UBE2B: variants seen among roughly 807,000 people sequenced by gnomAD.
UBE2B encodes the protein ubiquitin conjugating enzyme E2 B.
In UBE2B, 11 loss-of-function variants were observed where a neutral mutation model predicts 24.6. The observed-to-expected ratio is 0.45, with a 90% CI of 0.28 to 0.74. The LOEUF (loss-of-function observed/expected upper bound fraction) is 0.74. UBE2B is among the 30% of genes least tolerant of loss of function. The pLI is 0.13. For synonymous variants in UBE2B, 68 were observed against 62.4 expected (o/e 1.09, Z -0.42); for missense variants, 78 against 185.6 (o/e 0.42, Z 3.37).
intron 4 of UBE2B, among the ~76,000 whole-genome samples, chr5:134,386,139 C>T (rs1758797133): frequency 6.6e-6 from 1 of 151,770 alleles, no homozygotes; most frequent in Middle Eastern, 3.4e-3. Flanking sequence ...CTAGCCTGGC[C>T]AACATGGTAA....
intron 1 of UBE2B, among the ~76,000 whole-genome samples, chr5:134,373,178 GA>G (rs1758522004): frequency 6.6e-6 from 1 of 152,204 alleles, no homozygotes; most frequent in African/African-American, 2.4e-5. Flanking sequence ...GGGACTGGCA[GA>G]AAACCTACTA....
chr5:134,373,937 A>G (rs906502644), intron 1 of UBE2B, among the ~76,000 whole-genome samples: 4 of 152,320 alleles, frequency 2.6e-5, no homozygotes, highest in Admixed American at 1.3e-4. Flanking sequence ...TAGTGCCGCA[A>G]TAAACATACG....
intron 2 of UBE2B, among the ~76,000 whole-genome samples, chr5:134,375,821 A>G (rs1034705930): frequency 1.3e-5 from 2 of 150,618 alleles, no homozygotes; most frequent in Non-Finnish European, 3.0e-5. Context: ...AAAAAAAAAA[A>G]AAAAACTTTA....
Position 134,374,365 on chromosome 5 carries a change from A to G in UBE2B, c.45-18A>G. 2.6e-6 allele frequency: 4 copies of G among 1,551,990 alleles called. No homozygotes were observed. Among genetic ancestry groups the G allele is most frequent in the Non-Finnish European group, 3.5e-6 (4 of 1,147,068 alleles). ...GCCTTAATGTTCAACTTTTTAAATTACCACGCTGGATTTCCAGGTTACAAG... is the reference window on the plus strand; with the variant it reads ...GCCTTAATGTTCAACTTTTTAAATTGCCACGCTGGATTTCCAGGTTACAAG... On this transcript the variant is annotated intron_variant, in intron 1 of 5. Transcript: ENST00000265339.
At chr5:134,384,177 A>C (rs1178793287) in intron 4 of UBE2B, among the ~76,000 whole-genome samples, 1 of 152,202 alleles carries the variant, frequency 6.6e-6, no homozygotes, top group East Asian at 1.9e-4. Context: ...TTCAGGAAGA[A>C]CATTTTCAGA....
intron 1 of UBE2B, among the ~76,000 whole-genome samples, 187 bp from the exon 2 acceptor site, chr5:134,374,195 GA>G (rs1303697473): frequency 2.6e-5 from 4 of 152,160 alleles, no homozygotes; most frequent in African/African-American, 9.7e-5. Flanking sequence ...ATAATTTGGA[GA>G]GGTATTTAAT....
intron 3 of UBE2B, among the ~76,000 whole-genome samples, chr5:134,378,787 G>A (rs896836785): frequency 5.3e-5 from 8 of 151,990 alleles, no homozygotes; most frequent in Non-Finnish European, 7.4e-5. Context: ...TAATAAGCTC[G>A]GTGTGGTGGC....
At chr5:134,382,243 A>G (rs544931992) in intron 4 of UBE2B, among the ~76,000 whole-genome samples, 3 of 152,188 alleles carry the variant, frequency 2.0e-5, no homozygotes, top group African/African-American at 7.2e-5. Flanking sequence ...GCTTGAGACC[A>G]GGAGTCAGAG....
intron 4 of UBE2B, 56 bp from the exon 5 acceptor site, chr5:134,388,269 C>A (rs908813091): frequency 1.4e-6 from 2 of 1,436,762 alleles, no homozygotes; most frequent in African/African-American, 1.4e-5. Context: ...GTAAAGATTT[C>A]TCTTAACTGT....
In UBE2B at chr5:134,390,464, A is replaced by T; in HGVS notation, c.*111A>T. On this transcript the variant is annotated 3_prime_UTR_variant, in exon 6 of 6. Transcript: ENST00000265339. This position sits in a 1 kb window ranked among gnomAD's most constrained non-coding sequence, Gnocchi z 4.6. ...AGGTTTTAAGGATTCTGCAGAAAAAAAAGAAAAAAGTCCTTCAGTTTAGAA... is the reference window on the plus strand; with the variant it reads ...AGGTTTTAAGGATTCTGCAGAAAAATAAGAAAAAAGTCCTTCAGTTTAGAA... 1 of 1,366,364 alleles carries T rather than the reference A, an allele frequency of 7.3e-7. No individual in the cohort carries two copies. The highest frequency in any genetic ancestry group is 1.0e-6 in the Non-Finnish European group (1 of 988,416). 84.6% of individuals were successfully genotyped at this position (1,366,364 alleles called of 1,614,324 possible).
chr5:134,380,873 C>T lies in UBE2B; in HGVS notation c.241+65C>T. 3 of 1,095,672 alleles carry T rather than the reference C, an allele frequency of 2.7e-6. No homozygotes were observed. In the South Asian group the frequency reaches 3.9e-5, roughly 14 times the overall value. 67.9% of individuals were successfully genotyped at this position (1,095,672 alleles called of 1,614,324 possible). A position where few individuals can be genotyped will look rare whatever the true frequency, so the allele number is the denominator to read the frequency against. The stretch of plus-strand genomic sequence containing the variant: ...AAAAGAGTTGTTTCCCTCCTTTTAG[C>T]TCTTTCACCTTACTTTTTACTGTTA... On this transcript the variant is annotated intron_variant, in intron 4 of 5. Coordinates refer to ENST00000265339, the MANE Select transcript of UBE2B (RefSeq NM_003337.4).
intron 5 of UBE2B, among the ~76,000 whole-genome samples, chr5:134,388,791 C>G (rs1386095136): frequency 6.6e-6 from 1 of 152,050 alleles, no homozygotes; most frequent in East Asian, 1.9e-4. Context: ...TTTGTCGAAG[C>G]AGTCTGGCAG....
At chr5:134,374,252 T>C in intron 1 of UBE2B, 131 bp from the exon 2 acceptor site, 1 of 805,064 alleles carries the variant, frequency 1.2e-6, no homozygotes, top group Non-Finnish European at 2.1e-6. Flanking sequence ...TGGTTCATTT[T>C]AGTTCACAAT....
In UBE2B at chr5:134,391,321, T is replaced by G. The variant is rs900900423; in HGVS notation, c.*968T>G. On this transcript the variant is annotated 3_prime_UTR_variant, in exon 6 of 6. Transcript: ENST00000265339. Reference sequence around the variant, plus strand: ...CTTTAATGCAATGCATATCTGTTTATTCTGGGAAATGTTTTAATGCCAGGG... The same window carrying G: ...CTTTAATGCAATGCATATCTGTTTAGTCTGGGAAATGTTTTAATGCCAGGG... 6.6e-6 allele frequency: 1 copy of G among 152,526 alleles called. No homozygotes were observed. Among genetic ancestry groups the G allele is most frequent in the African/African-American group, 2.4e-5 (1 of 41,458 alleles). The allele number at this position is 152,526 out of a possible 1,614,324, so 9.4% of individuals were successfully genotyped here. A position where few individuals can be genotyped will look rare whatever the true frequency, so the allele number is the denominator to read the frequency against.
chr5:134,387,061 G>C (rs192301804), intron 4 of UBE2B, among the ~76,000 whole-genome samples: 38 of 151,714 alleles, frequency 2.5e-4, no homozygotes, highest in African/African-American at 8.7e-4. Flanking sequence ...CTGGGTTCAA[G>C]CAATTCTTCT....
chr5:134,373,561 T>C (rs149045825), intron 1 of UBE2B, among the ~76,000 whole-genome samples: 141 of 152,318 alleles, frequency 9.3e-4, no homozygotes, highest in African/African-American at 3.2e-3. Context: ...TATACACATG[T>C]GCCATGTTGG....
Position 134,390,299 on chromosome 5 carries a change from A to C in UBE2B, c.405A>C (p.Arg135=). 1 of 1,614,166 alleles carries C rather than the reference A, an allele frequency of 6.2e-7. No individual in the cohort carries two copies. Among genetic ancestry groups the C allele is most frequent in the Non-Finnish European group, 8.5e-7 (1 of 1,180,016 alleles). Reference sequence around the variant, plus strand: ...CACAGCTTTATCAGGAAAACAAACGAGAATATGAGAAAAGAGTTTCGGCCA... The same window carrying C: ...CACAGCTTTATCAGGAAAACAAACGCGAATATGAGAAAAGAGTTTCGGCCA... ...QAAQLYQENK[R]EYEKRVSAIV... is the part of the protein sequence containing the mutation. The change falls in exon 6 of 6, where the codon CGA becomes CGC. Residue 135 remains arginine, a synonymous_variant. Transcript: ENST00000265339. The surrounding 1 kb of genome is among the most constrained non-coding windows in gnomAD (Gnocchi z 4.6).
chr5:134,389,693 T>C (rs1758867071), intron 5 of UBE2B, among the ~76,000 whole-genome samples: 1 of 152,114 alleles, frequency 6.6e-6, no homozygotes. Context: ...ATTACGGGCA[T>C]GCGCCACCAC....
chr5:134,375,554 A>C (rs916486041), intron 2 of UBE2B, among the ~76,000 whole-genome samples: 10 of 152,158 alleles, frequency 6.6e-5, no homozygotes, highest in Non-Finnish European at 1.5e-4. Context: ...TGCTGCTTTG[A>C]GATCCTGAAT....
Sources: gnomAD v4.1 joint callset for allele counts (sites outside exome capture counted in the v4.1 genomes callset) on GRCh38, gnomAD v4.1.1 for gene constraint, Gnocchi (gnomAD v3.1) non-coding constraint, MANE v1.5 for transcripts, NCBI Gene and HGNC (gene_info 2026-07-23, HGNC 2026-07-21) for gene names.